The following WWP2 variants were observed in gnomAD, a reference collection of about 807,000 sequenced individuals.
The protein encoded by WWP2 is WW domain containing E3 ubiquitin protein ligase 2, also known as NEDD4-like E3 ubiquitin-protein ligase WWP2.
A neutral mutation model predicts 121.0 loss-of-function variants in WWP2; 57 were observed. That is an observed-to-expected ratio of 0.47 (90% confidence interval 0.38 to 0.59). The LOEUF (loss-of-function observed/expected upper bound fraction) is 0.59, where lower values mean the gene tolerates loss of function less well. Among genes scored for constraint, WWP2 ranks in the 20% least tolerant of loss-of-function variants. The pLI is 0.00. For missense variants in WWP2, 962 were observed against 1,158.9 expected (o/e 0.83, Z 2.47); for synonymous variants, 449 against 441.3 (o/e 1.02, Z -0.22).
chr16:69,813,258 G>A (rs1189795157), intron 4 of WWP2, among the ~76,000 whole-genome samples: 2 of 151,902 alleles, frequency 1.3e-5, no homozygotes, highest in African/African-American at 4.8e-5. Context: ...CGCCTCCTGG[G>A]TTCAAGCGAT....
intron 6 of WWP2, among the ~76,000 whole-genome samples, chr16:69,854,205 T>A (rs1202281724): frequency 6.6e-6 from 1 of 152,212 alleles, no homozygotes; most frequent in Non-Finnish European, 1.5e-5. Context: ...AGTATGGGTG[T>A]TGGAGAAATG....
chr16:69,838,872 A>G (rs899745680), intron 4 of WWP2: 1 of 985,202 alleles, frequency 1.0e-6, no homozygotes, highest in African/African-American at 1.7e-5. Flanking sequence ...CGCTTAGGAG[A>G]GCTTGAAAAC....
chr16:69,808,221 A>G (rs1447644373), intron 4 of WWP2, among the ~76,000 whole-genome samples: 1 of 151,202 alleles, frequency 6.6e-6, no homozygotes, highest in Non-Finnish European at 1.5e-5. Context: ...TTTTCATTTT[A>G]TATCTTTGAG....
chr16:69,832,143 GTTTGTTTTGT>G (rs918322515), intron 4 of WWP2, among the ~76,000 whole-genome samples: 6 of 151,770 alleles, frequency 4.0e-5, no homozygotes, highest in South Asian at 2.1e-4. Context: ...TTGTTTGTTT[GTTTGTTTTGT>G]TTTGTTTTGT....
At chr16:69,803,840 G>A (rs1409464648) in intron 4 of WWP2, among the ~76,000 whole-genome samples, 1 of 152,120 alleles carries the variant, frequency 6.6e-6, no homozygotes, top group African/African-American at 2.4e-5. Flanking sequence ...CCTGGGAGGC[G>A]AAGGTTGCAG....
intron 15 of WWP2, 58 bp from the exon 16 acceptor site, chr16:69,931,744 G>A (rs990152878): frequency 1.4e-4 from 217 of 1,588,096 alleles, no homozygotes; most frequent in Non-Finnish European, 1.7e-4. Flanking sequence ...TGTCCCTCCC[G>A]CCCCTGCCTG....
chr16:69,808,325 A>G (rs2056322567), intron 4 of WWP2, among the ~76,000 whole-genome samples: 1 of 151,894 alleles, frequency 6.6e-6, no homozygotes, highest in Admixed American at 6.6e-5. Flanking sequence ...GCTGGTCTCA[A>G]GTGATCCTCC....
At chr16:69,923,582 G>C (rs1163832491) in intron 10 of WWP2, among the ~76,000 whole-genome samples, 2 of 152,228 alleles carry the variant, frequency 1.3e-5, no homozygotes, top group Non-Finnish European at 2.9e-5. Flanking sequence ...GTTGGTACCA[G>C]CTGGTAGCTG....
At chr16:69,900,264 C>T (rs966382149) in intron 8 of WWP2, among the ~76,000 whole-genome samples, 1 of 151,880 alleles carries the variant, frequency 6.6e-6, no homozygotes, top group African/African-American at 2.4e-5. Context: ...CCCATTTTTG[C>T]TCCCATTGAT....
intron 6 of WWP2, among the ~76,000 whole-genome samples, chr16:69,853,364 T>TA (rs2057252911): frequency 6.6e-6 from 1 of 152,188 alleles, no homozygotes; most frequent in Non-Finnish European, 1.5e-5. Context: ...GCAACCGCTT[T>TA]ATGTATTTGA....
intron 1 of WWP2, among the ~76,000 whole-genome samples, chr16:69,782,130 G>A (rs12149920): frequency 0.86 from 131,147 of 152,036 alleles, 56,800 homozygotes; most frequent in Admixed American, 0.92. Context: ...TAAAAATACA[G>A]AAATTAGCTG....
rs779871851 is a variant in WWP2, at chr16:69,939,122, C to T, written c.2439C>T (p.Ile813=). The change falls in exon 22 of 24, where the codon ATC becomes ATT. Residue 813 remains isoleucine, a splice_region_variant and synonymous_variant. Coordinates refer to ENST00000359154, the MANE Select transcript of WWP2 (RefSeq NM_001270454.2). ...RLPVGGFAEL[I]GSNGPQKFCI... ...CCGTCGGGGGATTTGCCGAACTCAT[C>T]GGTATGTTTTCTCTCGCCCTCTGGC... 15 of 1,597,584 alleles carry T rather than the reference C, an allele frequency of 9.4e-6. No homozygotes were observed. The highest frequency in any genetic ancestry group is 2.7e-5 in the African/African-American group (2 of 74,598).
chr16:69,816,042 T>TAAA (rs2056483481), intron 4 of WWP2, among the ~76,000 whole-genome samples: 1 of 152,066 alleles, frequency 6.6e-6, no homozygotes, highest in African/African-American at 2.4e-5. Context: ...GGGACAAAAG[T>TAAA]AAAAGACAGC....
At position 69,782,019 on chromosome 16, in the gene WWP2, A is replaced by T. The variant is rs142897563; in HGVS notation, c.-15-4977A>T. ...TTTTCGGAGCCGGGCGAGGTGGCTC[A>T]TGCCTGTAATCCCAGCACTTTGGGA... On this transcript the variant is annotated intron_variant, in intron 1 of 23. Coordinates refer to ENST00000359154, the MANE Select transcript of WWP2 (RefSeq NM_001270454.2). Among the ~76,000 whole-genome samples the T allele has an allele frequency of 6.3e-3, 954 of 152,294 alleles. 6 individuals are homozygous for T. Among genetic ancestry groups the T allele is most frequent in the South Asian group, 0.013 (61 of 4,830 alleles).
intron 4 of WWP2, among the ~76,000 whole-genome samples, chr16:69,828,329 CTCTG>C (rs780388643): frequency 2.2e-4 from 33 of 152,124 alleles, no homozygotes; most frequent in Admixed American, 6.6e-5. Context: ...AGCTGTTCTT[CTCTG>C]TCTTTCTTGC....
intron 4 of WWP2, among the ~76,000 whole-genome samples, chr16:69,828,682 G>T (rs1013225903): frequency 6.6e-6 from 1 of 152,134 alleles, no homozygotes; most frequent in Non-Finnish European, 1.5e-5. Context: ...TATATTTTTA[G>T]TAGAAATAGG....
At chr16:69,931,409 C>A in intron 14 of WWP2, 100 bp from the exon 15 acceptor site, 3 of 1,541,972 alleles carry the variant, frequency 1.9e-6, no homozygotes, top group Non-Finnish European at 8.9e-7. Flanking sequence ...ATGCTATTGC[C>A]TCCTGGCCCA....
At chr16:69,878,273 G>T (rs1420268512) in intron 7 of WWP2, among the ~76,000 whole-genome samples, 1 of 152,164 alleles carries the variant, frequency 6.6e-6, no homozygotes, top group East Asian at 1.9e-4. Context: ...ACCAAAATGT[G>T]ACACAGAGAC....
chr16:69,898,416 C>A (rs942855135), intron 8 of WWP2, among the ~76,000 whole-genome samples: 2 of 152,142 alleles, frequency 1.3e-5, no homozygotes, highest in Non-Finnish European at 2.9e-5. Context: ...TATCAAATTG[C>A]CTGAGTCACC....
Sources: gnomAD v4.1 joint callset for allele counts (sites outside exome capture counted in the v4.1 genomes callset) on GRCh38, gnomAD v4.1.1 for gene constraint, MANE v1.5 for transcripts, NCBI Gene and HGNC (gene_info 2026-07-23, HGNC 2026-07-21) for gene names.